LINGO2: variants seen among roughly 807,000 people sequenced by gnomAD.
The protein encoded by LINGO2 is leucine rich repeat and Ig domain containing 2.
LINGO2 carries 14 observed loss-of-function variants against 30.6 expected under a neutral mutation model. The ratio of observed to expected loss-of-function variants is 0.46; its 90% confidence interval spans 0.30 to 0.72. The LOEUF is 0.72. Among genes scored for constraint, LINGO2 ranks in the 30% least tolerant of loss-of-function variants. The probability of loss-of-function intolerance (pLI) is 0.07; values close to 1 mark genes in which losing one functional copy is unlikely to be tolerated. For synonymous variants in LINGO2, 317 were observed against 288.5 expected, an observed-to-expected ratio of 1.10 and a Z score of -1.00; for missense variants, 729 against 751.7, an observed-to-expected ratio of 0.97 and a Z score of 0.35.
intron 4 of LINGO2, among the ~76,000 whole-genome samples, chr9:28,260,227 T>A (rs951303113): frequency 6.6e-6 from 1 of 151,464 alleles, no homozygotes; most frequent in African/African-American, 2.4e-5. Flanking sequence ...AGTGGACAAA[T>A]GATGACTTGT....
intron 5 of LINGO2, among the ~76,000 whole-genome samples, chr9:27,968,324 G>C (rs1460362072): frequency 6.6e-6 from 1 of 151,948 alleles, no homozygotes; most frequent in Non-Finnish European, 1.5e-5. Context: ...GCTATGGAAA[G>C]ACAATTGTAT....
chr9:29,142,461 C>G, the LINGO2 span, among the ~76,000 whole-genome samples: 2 of 151,254 alleles, frequency 1.3e-5, no homozygotes, highest in Non-Finnish European at 3.0e-5. Context: ...AAAGAAGAAC[C>G]CTAAATAAAC....
chr9:28,804,386 G>A, the LINGO2 span, among the ~76,000 whole-genome samples: 1 of 152,048 alleles, frequency 6.6e-6, no homozygotes, highest in Non-Finnish European at 1.5e-5. Flanking sequence ...AGGTACTGTT[G>A]AAAGAGCAAT....
At chr9:29,197,775 T>G in the LINGO2 span, among the ~76,000 whole-genome samples, 8 of 152,092 alleles carry the variant, frequency 5.3e-5, no homozygotes. Context: ...GTCTAAAAGA[T>G]TGATTCACTG....
chr9:28,575,377 TGACA>T (rs1823910390), intron 1 of LINGO2, among the ~76,000 whole-genome samples: 1 of 144,962 alleles, frequency 6.9e-6, no homozygotes, highest in South Asian at 2.2e-4. Flanking sequence ...CCAGCCCGGG[TGACA>T]GACAGACTCC....
chr9:28,754,362 C>T, the LINGO2 span, among the ~76,000 whole-genome samples: 4 of 152,070 alleles, frequency 2.6e-5, no homozygotes, highest in African/African-American at 9.7e-5. Flanking sequence ...AAAATTCTAG[C>T]TTTTCTGAGG....
Position 27,964,093 on chromosome 9 carries a change from T to C in LINGO2, c.-35-13387A>G, listed in dbSNP as rs1587553285. Among the ~76,000 whole-genome samples the C allele has an allele frequency of 2.0e-5, 3 of 152,144 alleles. No homozygotes were observed. In the East Asian group the frequency reaches 5.8e-4, roughly 29 times the overall value. ...TGATTTCTAATTATCCTCCAAACCA[T>C]TGCATTTTTACCTATTTCTCTCTAC... On this transcript the variant is annotated intron_variant, in intron 5 of 5. Transcript: ENST00000379992.
the LINGO2 span, among the ~76,000 whole-genome samples, chr9:28,978,780 G>A: frequency 8.6e-5 from 13 of 151,954 alleles, no homozygotes; most frequent in East Asian, 2.5e-3. Flanking sequence ...AACAAATGAA[G>A]TAAAATTATC....
At chr9:28,901,721 A>G in the LINGO2 span, among the ~76,000 whole-genome samples, 4 of 151,704 alleles carry the variant, frequency 2.6e-5, no homozygotes, top group African/African-American at 9.7e-5. Flanking sequence ...ATGAATAAAA[A>G]GTAAAGAATC....
chr9:28,731,260 A>T, the LINGO2 span, among the ~76,000 whole-genome samples: 3 of 152,016 alleles, frequency 2.0e-5, no homozygotes, highest in Non-Finnish European at 2.9e-5. Flanking sequence ...AGGTGTTGGG[A>T]TTACAGGAGT....
At chr9:28,791,414 T>C in the LINGO2 span, among the ~76,000 whole-genome samples, 19 of 152,112 alleles carry the variant, frequency 1.2e-4, no homozygotes, top group African/African-American at 4.3e-4. Context: ...TGTACTGTGA[T>C]TTAGACTATG....
At position 28,183,585 on chromosome 9, in the gene LINGO2, G is replaced by A. The variant is rs12005520; in HGVS notation, c.-87+111623C>T. Among the ~76,000 whole-genome samples, 1,230 of 152,144 alleles carry A rather than the reference G, an allele frequency of 8.1e-3. 22 individuals carry two copies. Among genetic ancestry groups the A allele is most frequent in the African/African-American group, 0.028 (1,181 of 41,508 alleles). On this transcript the variant is annotated intron_variant, in intron 4 of 5. Transcript: ENST00000379992. ...TCTATTATTGCTTTAACACCACAAT[G>A]GCAGAGTTAAGTAGTGGCAGAGCCC...
At chr9:28,945,793 C>T in the LINGO2 span, among the ~76,000 whole-genome samples, 2 of 152,130 alleles carry the variant, frequency 1.3e-5, no homozygotes, top group Admixed American at 6.5e-5. Flanking sequence ...GATAACGGAA[C>T]ATTGTCATAC....
At chr9:28,184,301 G>C (rs912747532) in intron 4 of LINGO2, among the ~76,000 whole-genome samples, 1 of 152,164 alleles carries the variant, frequency 6.6e-6, no homozygotes, top group East Asian at 1.9e-4. Context: ...TGAAAATAAA[G>C]AAGTGGTACC....
chr9:28,481,851 C>A (rs1825982032), intron 1 of LINGO2, among the ~76,000 whole-genome samples: 1 of 151,288 alleles, frequency 6.6e-6, no homozygotes, highest in East Asian at 2.0e-4. Flanking sequence ...TCAGTTCCCA[C>A]CTATGAGTGA....
At chr9:28,818,634 C>T in the LINGO2 span, among the ~76,000 whole-genome samples, 1 of 152,190 alleles carries the variant, frequency 6.6e-6, no homozygotes, top group Non-Finnish European at 1.5e-5. Context: ...GATCCACCTG[C>T]CTCAGCCTCC....
the LINGO2 span, among the ~76,000 whole-genome samples, chr9:28,990,354 G>A: frequency 4.6e-5 from 7 of 152,336 alleles, no homozygotes; most frequent in African/African-American, 9.6e-5. Flanking sequence ...CAGCTGGGAA[G>A]CTCGAACTGG....
the LINGO2 span, among the ~76,000 whole-genome samples, chr9:28,790,499 T>C: frequency 1.4e-5 from 2 of 142,972 alleles, no homozygotes; most frequent in South Asian, 4.7e-4. Flanking sequence ...CGGCTAATTT[T>C]TTGTATTTTT....
At position 28,161,388 on chromosome 9, in the gene LINGO2, A is replaced by G. The variant is rs75725035; in HGVS notation, c.-87+133820T>C. Among the ~76,000 whole-genome samples, 1,484 of 152,200 alleles carry G rather than the reference A, an allele frequency of 9.8e-3. 13 individuals carry two copies. Among genetic ancestry groups the G allele is most frequent in the South Asian group, 0.035 (169 of 4,824 alleles). On this transcript the variant is annotated intron_variant, in intron 4 of 5. Coordinates refer to ENST00000379992, the Ensembl canonical transcript of LINGO2. ...TTTTTAGTATCATTATTTCATTGTT[A>G]TTTTGCCTTTGAAAGTGCAAAAGAT... is the stretch of plus-strand genomic sequence containing the variant.
Sources: allele counts gnomAD v4.1 joint callset (sites outside exome capture counted in the v4.1 genomes callset), GRCh38; gene constraint gnomAD v4.1.1; transcripts MANE v1.5; gene names NCBI Gene and HGNC (gene_info 2026-07-23, HGNC 2026-07-21).